ANKDD1A: variants seen among roughly 807,000 people sequenced by gnomAD.
ANKDD1A encodes ankyrin repeat and death domain-containing protein 1A.
In ANKDD1A, 59 loss-of-function variants were observed where a neutral mutation model predicts 63.5. That is an observed-to-expected ratio of 0.93 (90% CI 0.75 to 1.15). The LOEUF (loss-of-function observed/expected upper bound fraction) is 1.15. ANKDD1A is among the 50% of genes most tolerant of loss of function. The pLI, the probability that ANKDD1A is intolerant of heterozygous loss-of-function variation, is 0.00. For missense variants in ANKDD1A, 632 were observed against 656.4 expected, an observed-to-expected ratio of 0.96 and a Z score of 0.41; for synonymous variants, 266 against 263.9, an observed-to-expected ratio of 1.01 and a Z score of -0.08.
In ANKDD1A at chr15:64,951,616, TTCTTCTTC is replaced by T. The variant is rs1408060979; in HGVS notation, c.1483+1652_1483+1659del. ...CTTTCTTCTTTCTTCTTGTTCCTTA[TTCTTCTTC>T]TCTTCTTTTCTTCTTCTATCTTCTT... On this transcript the variant is annotated intron_variant, in intron 14 of 14. Transcript: ENST00000319580. 1.6e-3 allele frequency among the ~76,000 whole-genome samples: 122 copies of T among 74,330 alleles called. No individual in the cohort carries two copies. In the East Asian group the frequency reaches 0.017, roughly 10 times the overall value. The allele number at this position is 74,330 out of a possible 152,430, so 48.8% of individuals were successfully genotyped here.
intron 14 of ANKDD1A, among the ~76,000 whole-genome samples, chr15:64,953,628 T>TTCTTCTTTCTCCTTCTTCTTCTTCTTTC (rs1472903050): frequency 8.0e-6 from 1 of 125,632 alleles, no homozygotes; most frequent in Non-Finnish European, 1.7e-5. Context: ...CTTCTTCTTC[T>TTCTTCTTTCTCCTTCTTCTTCTTCTTTC]TCCTTCTTCT....
At chr15:64,929,496 C>T (rs112595486) in intron 6 of ANKDD1A, among the ~76,000 whole-genome samples, 1,528 of 152,282 alleles carry the variant, frequency 0.01, 14 homozygotes, top group Non-Finnish European at 0.014. Flanking sequence ...GACAACCCCA[C>T]GCAGGCTGAC....
intron 9 of ANKDD1A, among the ~76,000 whole-genome samples, chr15:64,936,030 G>A (rs916731493): frequency 6.6e-6 from 1 of 152,076 alleles, no homozygotes; most frequent in African/African-American, 2.4e-5. Flanking sequence ...ACCTATTTGG[G>A]CCTGTTTCCT....
At chr15:64,950,947 T>G in intron 14 of ANKDD1A, 1 of 1,271,148 alleles carries the variant, frequency 7.9e-7, no homozygotes, top group Non-Finnish European at 1.0e-6. Context: ...ATTCTTGTTT[T>G]TAACAGAAAA....
chr15:64,953,001 G>GTTC (rs142238190), intron 14 of ANKDD1A, among the ~76,000 whole-genome samples: 135,198 of 140,964 alleles, frequency 0.96, 64,924 homozygotes, highest in East Asian at 0.99. Flanking sequence ...CTCCTTCTTA[G>GTTC]TTCTTTCTTC....
chr15:64,940,459 G>A (rs1248014591), intron 9 of ANKDD1A, among the ~76,000 whole-genome samples: 1 of 151,868 alleles, frequency 6.6e-6, no homozygotes, highest in Non-Finnish European at 1.5e-5. Flanking sequence ...TTGAGACAGA[G>A]TCTTGCTCTG....
chr15:64,949,835 T>A lies in ANKDD1A; in HGVS notation c.1352-6T>A. 6.2e-7 allele frequency: 1 copy of A among 1,600,616 alleles called. No homozygotes were observed. Among genetic ancestry groups the A allele is most frequent in the Non-Finnish European group, 8.5e-7 (1 of 1,179,526 alleles). ...CCCTCTCTCTCTCCTCCCTCACTGTTCTCAGGCACCAGGAGCTATCAGGAG... is the reference window on the plus strand; with the variant it reads ...CCCTCTCTCTCTCCTCCCTCACTGTACTCAGGCACCAGGAGCTATCAGGAG... On this transcript the variant is annotated splice_region_variant and splice_polypyrimidine_tract_variant and intron_variant, in intron 13 of 14. Coordinates refer to ENST00000319580, the MANE Select transcript of ANKDD1A (RefSeq NM_182703.6).
At chr15:64,919,027 G>A (rs146090628) in intron 3 of ANKDD1A, among the ~76,000 whole-genome samples, 1 of 152,270 alleles carries the variant, frequency 6.6e-6, no homozygotes, top group Non-Finnish European at 1.5e-5. Context: ...AAGACAGCCT[G>A]CTGGGCTTGC....
intron 4 of ANKDD1A, among the ~76,000 whole-genome samples, chr15:64,925,565 C>T (rs1007758106): frequency 4.6e-5 from 7 of 152,200 alleles, no homozygotes; most frequent in Admixed American, 4.6e-4. Flanking sequence ...TAGTGACATA[C>T]ACTGGTCACT....
chr15:64,921,860 C>T (rs1443602666), intron 3 of ANKDD1A, 61 bp from the exon 4 acceptor site: 4 of 1,462,294 alleles, frequency 2.7e-6, no homozygotes, highest in Non-Finnish European at 3.8e-6. Context: ...GGCACAGGGC[C>T]TGGCTGGCAC....
chr15:64,912,091 G>T, intron 1 of ANKDD1A, 127 bp downstream of exon 1: 1 of 953,090 alleles, frequency 1.0e-6, no homozygotes, highest in Non-Finnish European at 1.4e-6. Flanking sequence ...CGTCTGTGTG[G>T]CTCCGAGCGG....
chr15:64,942,649 C>A, intron 10 of ANKDD1A, 84 bp downstream of exon 10: 2 of 1,027,140 alleles, frequency 1.9e-6, no homozygotes, highest in Non-Finnish European at 1.4e-6. Context: ...GGTCTCCTAG[C>A]ATGGCCCAGA....
chr15:64,952,318 TTTCTTCC>T (rs571410663), intron 14 of ANKDD1A, among the ~76,000 whole-genome samples: 2 of 135,996 alleles, frequency 1.5e-5, no homozygotes, highest in African/African-American at 5.5e-5. Context: ...GTTCTTTTTC[TTTCTTCC>T]TTCTTCCTTC....
chr15:64,916,017 G>A, intron 2 of ANKDD1A, 117 bp downstream of exon 2: 1 of 993,420 alleles, frequency 1.0e-6, no homozygotes, highest in Non-Finnish European at 1.5e-6. Context: ...TGTAAACTTG[G>A]AGGGAGGCTC....
chr15:64,951,576 C>CTTTTTCT (rs1443672115), intron 14 of ANKDD1A: 1 of 1,188 alleles, frequency 8.4e-4, no homozygotes, highest in Non-Finnish European at 3.7e-3. Context: ...TTTCTTTCTT[C>CTTTTTCT]TTCTTCTTCC....
chr15:64,925,824 C>T (rs1454301758), intron 4 of ANKDD1A, among the ~76,000 whole-genome samples: 1 of 152,146 alleles, frequency 6.6e-6, no homozygotes, highest in Non-Finnish European at 1.5e-5. Flanking sequence ...TGGCCCGAGA[C>T]TCCGGAGCTG....
intron 14 of ANKDD1A, among the ~76,000 whole-genome samples, chr15:64,953,462 TC>T (rs2085340761): frequency 1.7e-4 from 2 of 11,448 alleles, no homozygotes; most frequent in East Asian, 0.056. Flanking sequence ...CTTCTCTCCT[TC>T]TTCTTCTTCC....
intron 4 of ANKDD1A, 52 bp from the exon 5 acceptor site, chr15:64,926,014 G>A (rs2140369073): frequency 6.5e-7 from 1 of 1,536,974 alleles, no homozygotes; most frequent in East Asian, 2.3e-5. Context: ...GGCAGTGTGT[G>A]AAAAGGGCCT....
rs750582520 is a variant in ANKDD1A, at chr15:64,954,727, CCTT to C, written c.1484-2368_1484-2366del. Among the ~76,000 whole-genome samples, 481 of 72,354 alleles carry C rather than the reference CCTT, an allele frequency of 6.6e-3. 5 individuals carry two copies. The highest frequency in any genetic ancestry group is 0.019 in the African/African-American group (455 of 23,950). The allele number at this position is 72,354 out of a possible 152,430, so 47.5% of individuals were successfully genotyped here. On this transcript the variant is annotated intron_variant, in intron 14 of 14. Transcript: ENST00000319580. Reference sequence around the variant, plus strand: ...TCCTTCTTCTTCTCCTTCTCCTCCTCCTTCTTCTTCCTTCTCCTTCTTCTTTCT... The same window carrying C: ...TCCTTCTTCTTCTCCTTCTCCTCCTCCTTCTTCCTTCTCCTTCTTCTTTCT...
Sources: allele counts gnomAD v4.1 joint callset (sites outside exome capture counted in the v4.1 genomes callset), GRCh38; gene constraint gnomAD v4.1.1; transcripts MANE v1.5; gene names NCBI Gene and HGNC (gene_info 2026-07-23, HGNC 2026-07-21).